Variants in PPHLN1 observed in about 807,000 individuals in gnomAD.
PPHLN1 encodes periphilin-1.
A neutral mutation model predicts 51.3 loss-of-function variants in PPHLN1; 29 were observed. That is an observed-to-expected ratio of 0.57 (90% confidence interval 0.42 to 0.77). The LOEUF is 0.77. Ranked by LOEUF, PPHLN1 falls within the 30% of genes least tolerant of loss-of-function variation. The pLI, the probability that PPHLN1 is intolerant of heterozygous loss-of-function variation, is 0.00. For missense variants in PPHLN1, 436 were observed against 438.4 expected, an observed-to-expected ratio of 0.99 and a Z score of 0.05; for synonymous variants, 147 against 147.8, an observed-to-expected ratio of 0.99 and a Z score of 0.04.
chr12:42,353,340 G>A (rs1229828462), intron 3 of PPHLN1, among the ~76,000 whole-genome samples: 1 of 151,902 alleles, frequency 6.6e-6, no homozygotes, highest in Non-Finnish European at 1.5e-5. Context: ...TTCAAACCCT[G>A]TTTATAAAAT....
intron 9 of PPHLN1, among the ~76,000 whole-genome samples, chr12:42,439,784 C>T (rs1343751385): frequency 2.6e-5 from 4 of 152,212 alleles, no homozygotes; most frequent in Admixed American, 6.5e-5. Context: ...CTCAGCCTCC[C>T]AAAGTGCTGG....
chr12:42,445,349 T>C, downstream of PPHLN1: 1 of 524,166 alleles, frequency 1.9e-6, no homozygotes, highest in Non-Finnish European at 3.4e-6. Context: ...AATGCCCAGA[T>C]TGCCAGCTCA....
intron 9 of PPHLN1, 142 bp from the exon 10 acceptor site, chr12:42,441,173 A>G (rs953509090): frequency 1.3e-5 from 15 of 1,183,712 alleles, no homozygotes; most frequent in Non-Finnish European, 1.7e-5. Flanking sequence ...TAATAGTGAC[A>G]ATGCAAGGGC....
chr12:42,374,705 C>T (rs562730189), intron 4 of PPHLN1, 158 bp from the exon 5 acceptor site: 60 of 548,618 alleles, frequency 1.1e-4, no homozygotes, highest in South Asian at 5.8e-4. Flanking sequence ...CTGCCCGTCT[C>T]GGCCTCCCAA....
chr12:42,345,681 CATTG>C (rs201932926), intron 2 of PPHLN1, among the ~76,000 whole-genome samples: 18 of 151,058 alleles, frequency 1.2e-4, no homozygotes, highest in African/African-American at 3.1e-4. Flanking sequence ...AAATTGATAT[CATTG>C]ATTGAGTAAA....
At chr12:42,361,333 T>C (rs901816848) in intron 4 of PPHLN1, 1 of 151,242 alleles carries the variant, frequency 6.6e-6, no homozygotes, top group Non-Finnish European at 1.5e-5. Flanking sequence ...ATAAATAGTT[T>C]GTTGTTTAAG....
chr12:42,344,220 G>T (rs574427425), intron 2 of PPHLN1, among the ~76,000 whole-genome samples: 38 of 152,286 alleles, frequency 2.5e-4, no homozygotes, highest in South Asian at 2.1e-3. Flanking sequence ...CATTTGCATT[G>T]TAAGTTGATT....
chr12:42,372,199 T>A (rs1344639673), intron 4 of PPHLN1, among the ~76,000 whole-genome samples: 1 of 152,130 alleles, frequency 6.6e-6, no homozygotes, highest in African/African-American at 2.4e-5. Context: ...TTATGAAAAT[T>A]GAGGCCTGTT....
At chr12:42,445,320 G>A, downstream of PPHLN1, 1 of 563,788 alleles carries the variant, frequency 1.8e-6, no homozygotes, top group Non-Finnish European at 3.2e-6. Flanking sequence ...CCAGAGACTA[G>A]CTAAACAAAT....
intron 9 of PPHLN1, among the ~76,000 whole-genome samples, chr12:42,430,480 C>A (rs1249492091): frequency 3.9e-5 from 6 of 151,972 alleles, no homozygotes; most frequent in African/African-American, 1.2e-4. Flanking sequence ...ATTACATATA[C>A]TATATTCTTT....
At chr12:42,403,949 CTG>C in intron 9 of PPHLN1, among the ~76,000 whole-genome samples, 1 of 151,856 alleles carries the variant, frequency 6.6e-6, no homozygotes, top group Non-Finnish European at 1.5e-5. Context: ...TTTTTAGTCT[CTG>C]AGTATTTTAT....
chr12:42,386,284 A>C (rs1214651480), intron 6 of PPHLN1, among the ~76,000 whole-genome samples: 1 of 152,356 alleles, frequency 6.6e-6, no homozygotes, highest in East Asian at 1.9e-4. Flanking sequence ...ATCTGCACAT[A>C]CTACCAAATG....
chr12:42,327,041 G>A (rs2068895232), intron 1 of PPHLN1, among the ~76,000 whole-genome samples: 1 of 152,184 alleles, frequency 6.6e-6, no homozygotes, highest in Admixed American at 6.5e-5. Flanking sequence ...GGAGACCGCT[G>A]GCACTAATTC....
At chr12:42,419,959 C>T (rs1477723966) in intron 9 of PPHLN1, among the ~76,000 whole-genome samples, 1 of 152,212 alleles carries the variant, frequency 6.6e-6, no homozygotes, top group African/African-American at 2.4e-5. Context: ...GCTTCTGCTG[C>T]TTCTAGCAGA....
chr12:42,357,089 A>T (rs1228178590), intron 4 of PPHLN1, among the ~76,000 whole-genome samples: 1 of 152,216 alleles, frequency 6.6e-6, no homozygotes, highest in Non-Finnish European at 1.5e-5. Flanking sequence ...TGAGGCCTAT[A>T]CAAGGAAATT....
intron 9 of PPHLN1, among the ~76,000 whole-genome samples, chr12:42,427,371 C>T (rs1165388481): frequency 2.0e-5 from 3 of 152,164 alleles, no homozygotes; most frequent in Non-Finnish European, 1.5e-5. Flanking sequence ...TCAAACTATA[C>T]TGTAAGGCCA....
intron 9 of PPHLN1, among the ~76,000 whole-genome samples, chr12:42,407,859 A>G (rs956516098): frequency 6.6e-6 from 1 of 152,214 alleles, no homozygotes; most frequent in African/African-American, 2.4e-5. Context: ...GTACATGTTC[A>G]GTACAGATGC....
At position 42,387,533 on chromosome 12, in the gene PPHLN1, A is replaced by G. The variant is rs1439820422; in HGVS notation, c.646A>G (p.Lys216Glu). Residue 216 changes from lysine to glutamate, a missense_variant and splice_region_variant, in exon 7 of 10, where the codon AAG (lysine) becomes GAG (glutamate). Lys to Glu is a moderately conservative substitution (Grantham distance 56). Coordinates refer to ENST00000358314, the MANE Select transcript of PPHLN1 (RefSeq NM_201439.2). ...AAGTGGTTCAGCAGTTTCTTCATCAAAGGTTTGTTATATTTCTAAAATCAG... is the reference window on the plus strand; with the variant it reads ...AAGTGGTTCAGCAGTTTCTTCATCAGAGGTTTGTTATATTTCTAAAATCAG... Reference protein sequence around the residue: ...PSSGSAVSSSKVLDKPSRLTE... With the variant: ...PSSGSAVSSSEVLDKPSRLTE... The G allele has an allele frequency of 6.2e-7, 1 of 1,611,092 alleles. No homozygotes were observed. The highest frequency in any genetic ancestry group is 1.3e-5 in the African/African-American group (1 of 74,712).
intron 2 of PPHLN1, chr12:42,347,222 C>G (rs2138072354): frequency 6.6e-6 from 1 of 152,206 alleles, no homozygotes; most frequent in South Asian, 2.1e-4. Context: ...GGGGAGCTGG[C>G]CATTTTTATG....
Sources: allele counts gnomAD v4.1 joint callset (sites outside exome capture counted in the v4.1 genomes callset), GRCh38; gene constraint gnomAD v4.1.1; transcripts MANE v1.5; gene names NCBI Gene and HGNC (gene_info 2026-07-23, HGNC 2026-07-21).